Variants in SPIN1 observed in about 807,000 individuals in gnomAD.
The protein encoded by SPIN1 is spindlin 1, also known as spindlin-1.
A neutral mutation model predicts 26.0 loss-of-function variants in SPIN1; 3 were observed. The ratio of observed to expected loss-of-function variants is 0.12; its 90% confidence interval spans 0.05 to 0.30. SPIN1 has a LOEUF of 0.30. Ranked by LOEUF, SPIN1 falls within the 10% of genes least tolerant of loss-of-function variation. The pLI is 1.00. For synonymous variants in SPIN1, 101 were observed against 116.5 expected (o/e 0.87, Z 0.86); for missense variants, 126 against 333.4 (o/e 0.38, Z 4.84).
At chr9:88,413,867 C>T (rs965260009) in intron 1 of SPIN1, among the ~76,000 whole-genome samples, 6 of 152,152 alleles carry the variant, frequency 3.9e-5, no homozygotes, top group African/African-American at 1.4e-4. Context: ...TTTCACAAGA[C>T]TGCCCTCACT....
intron 1 of SPIN1, among the ~76,000 whole-genome samples, chr9:88,390,767 C>G (rs765820875): frequency 9.9e-5 from 15 of 152,100 alleles, no homozygotes; most frequent in Admixed American, 7.2e-4. Context: ...AATGGCCTTC[C>G]AAGTCAGAAC....
At chr9:88,388,741 G>A (rs1271949759) in intron 1 of SPIN1, among the ~76,000 whole-genome samples, 1 of 148,968 alleles carries the variant, frequency 6.7e-6, no homozygotes, top group Non-Finnish European at 1.5e-5. Context: ...CTGGGCCTCG[G>A]GGCGGGCGCG....
chr9:88,410,817 A>G (rs1028695142), intron 1 of SPIN1: 2 of 938,476 alleles, frequency 2.1e-6, no homozygotes, highest in South Asian at 1.3e-5. Context: ...TTCCTCCACT[A>G]CCAGAGTTGT....
chr9:88,391,835 G>A (rs568947001), intron 1 of SPIN1: 14 of 152,312 alleles, frequency 9.2e-5, no homozygotes, highest in African/African-American at 2.9e-4. Context: ...GGGTCCATCC[G>A]CGGTCTAGTC....
intron 1 of SPIN1, among the ~76,000 whole-genome samples, chr9:88,405,169 A>G (rs1330072149): frequency 6.6e-6 from 1 of 152,188 alleles, no homozygotes; most frequent in Non-Finnish European, 1.5e-5. Context: ...TTAATACATA[A>G]ACCAGTAACA....
chr9:88,407,524 A>G (rs1286782946), intron 1 of SPIN1, among the ~76,000 whole-genome samples: 1 of 149,230 alleles, frequency 6.7e-6, no homozygotes, highest in Non-Finnish European at 1.5e-5. Flanking sequence ...AAGCTATTGA[A>G]TTGTGGTCAG....
At chr9:88,400,874 G>A (rs1484709518) in intron 1 of SPIN1, among the ~76,000 whole-genome samples, 3 of 151,838 alleles carry the variant, frequency 2.0e-5, no homozygotes, top group Non-Finnish European at 4.4e-5. Context: ...TTAGCCGGGT[G>A]TGGTGGCTTG....
chr9:88,455,547 C>CT (rs1828453798), intron 3 of SPIN1, among the ~76,000 whole-genome samples: 2 of 152,140 alleles, frequency 1.3e-5, no homozygotes, highest in Non-Finnish European at 2.9e-5. Context: ...AGAAAGAAAA[C>CT]TTATTTATAA....
intron 1 of SPIN1, among the ~76,000 whole-genome samples, chr9:88,424,525 G>C (rs1312669131): frequency 6.6e-6 from 1 of 152,178 alleles, no homozygotes; most frequent in Non-Finnish European, 1.5e-5. Flanking sequence ...GACCATCCAT[G>C]AAAATCTAAG....
At chr9:88,471,988 G>A (rs957415166) in intron 5 of SPIN1, among the ~76,000 whole-genome samples, 5 of 152,064 alleles carry the variant, frequency 3.3e-5, no homozygotes, top group African/African-American at 1.2e-4. Context: ...TAGTAGAGAT[G>A]GGGTTTTGCC....
At chr9:88,419,004 A>C (rs1383921613) in intron 1 of SPIN1, 1 of 152,192 alleles carries the variant, frequency 6.6e-6, no homozygotes, top group Non-Finnish European at 1.5e-5. Flanking sequence ...TAGAATGAGA[A>C]TTTTGAGTTT....
At chr9:88,406,064 G>GT (rs2117934531) in intron 1 of SPIN1, among the ~76,000 whole-genome samples, 1 of 150,422 alleles carries the variant, frequency 6.6e-6, no homozygotes, top group South Asian at 2.1e-4. Context: ...TAGAGATAGG[G>GT]TTTTGCCGCT....
chr9:88,452,089 T>C (rs1564038370), intron 3 of SPIN1, among the ~76,000 whole-genome samples: 1 of 152,098 alleles, frequency 6.6e-6, no homozygotes, highest in Non-Finnish European at 1.5e-5. Context: ...TAAATAGAGG[T>C]ATTTCCAGGG....
intron 3 of SPIN1, among the ~76,000 whole-genome samples, chr9:88,451,567 G>A (rs1828353802): frequency 6.6e-6 from 1 of 152,086 alleles, no homozygotes; most frequent in Admixed American, 6.5e-5. Context: ...TTGTTTGTTT[G>A]TTTGTTTTTG....
chr9:88,439,644 A>G (rs1224332782), intron 2 of SPIN1, among the ~76,000 whole-genome samples: 3 of 152,026 alleles, frequency 2.0e-5, no homozygotes, highest in Admixed American at 1.3e-4. Flanking sequence ...TTTTTTCCTC[A>G]CATATTTTGA....
chr9:88,434,134 T>A (rs958351475), intron 2 of SPIN1, among the ~76,000 whole-genome samples: 1 of 151,862 alleles, frequency 6.6e-6, no homozygotes, highest in Non-Finnish European at 1.5e-5. Context: ...GACATTGGTC[T>A]TTATCATTGG....
At chr9:88,410,655 GT>G (rs1406223563) in intron 1 of SPIN1, 5 of 1,231,202 alleles carry the variant, frequency 4.1e-6, no homozygotes, top group Non-Finnish European at 4.7e-6. Context: ...TGCCTCCAAA[GT>G]TTCCTTCCTT....
At chr9:88,460,629 T>A (rs1475928634) in intron 3 of SPIN1, among the ~76,000 whole-genome samples, 1 of 152,136 alleles carries the variant, frequency 6.6e-6, no homozygotes, top group Non-Finnish European at 1.5e-5. Flanking sequence ...GACCCAGTGG[T>A]GTCAGTTCCA....
rs1303958873 is a variant in SPIN1 at position 88,408,481 on chromosome 9, A to G, written c.-158-17901A>G. On this transcript the variant is annotated intron_variant, in intron 1 of 5. Transcript: ENST00000375859. ...CAACCTCCGCCTCCTGGGTTTAAGC[A>G]GTTCTCTGCCACAACCTGCCAAGTA... 2.7e-5 allele frequency among the ~76,000 whole-genome samples: 4 copies of G among 145,878 alleles called. No individual in the cohort carries two copies. In the Admixed American group the frequency reaches 2.8e-4, roughly 10 times the overall value.
Sources: gnomAD v4.1 joint callset for allele counts (sites outside exome capture counted in the v4.1 genomes callset) on GRCh38, gnomAD v4.1.1 for gene constraint, MANE v1.5 for transcripts, NCBI Gene and HGNC (gene_info 2026-07-23, HGNC 2026-07-21) for gene names.